The following VPS35 variants were observed in gnomAD, a reference collection of about 807,000 sequenced individuals.
VPS35 encodes VPS35 retromer complex component, also known as vacuolar protein sorting-associated protein 35.
Under a neutral mutation model 98.1 loss-of-function variants are expected in VPS35, and 21 were observed. The observed-to-expected ratio is 0.21, with a 90% CI of 0.15 to 0.31. The LOEUF (loss-of-function observed/expected upper bound fraction) is 0.31. Among genes scored for constraint, VPS35 ranks in the 10% least tolerant of loss-of-function variants. The pLI, the probability that VPS35 is intolerant of heterozygous loss-of-function variation, is 1.00. For synonymous variants in VPS35, 268 were observed against 318.2 expected, an observed-to-expected ratio of 0.84 and a Z score of 1.68; for missense variants, 554 against 950.8, an observed-to-expected ratio of 0.58 and a Z score of 5.49.
At chr16:46,681,782 C>T in intron 3 of VPS35, 1 of 538,728 alleles carries the variant, frequency 1.9e-6, no homozygotes, top group Non-Finnish European at 3.3e-6. Flanking sequence ...TTTGAGACTG[C>T]TGCATAACAA....
rs187543466 is a variant in VPS35 at position 46,665,679 on chromosome 16, G to T, written c.1648-2517C>A. ...AAGAAATGCTAGTAAATAAGTAAAGGCTAGTTACTTTTATTTATTTGCCCT... is the reference window on the plus strand; with the variant it reads ...AAGAAATGCTAGTAAATAAGTAAAGTCTAGTTACTTTTATTTATTTGCCCT... On this transcript the variant is annotated intron_variant, in intron 13 of 16. Coordinates refer to ENST00000299138, the MANE Select transcript of VPS35 (RefSeq NM_018206.6). 4.6e-5 allele frequency among the ~76,000 whole-genome samples: 7 copies of T among 151,826 alleles called. No individual in the cohort carries two copies. The East Asian group carries it at 1.2e-3, about 25-fold the overall frequency.
At chr16:46,678,228 G>A (rs971092397) in intron 6 of VPS35, among the ~76,000 whole-genome samples, 1 of 149,960 alleles carries the variant, frequency 6.7e-6, no homozygotes, top group Admixed American at 6.7e-5. Context: ...TGTAGACTAG[G>A]GTGTCCAATC....
Position 46,684,983 on chromosome 16 carries a change from G to A in VPS35, c.4-1377C>T, listed in dbSNP as rs975620267. 2.6e-5 allele frequency among the ~76,000 whole-genome samples: 4 copies of A among 152,252 alleles called. No homozygotes were observed. In the East Asian group the frequency reaches 7.7e-4, roughly 29 times the overall value. On this transcript the variant is annotated intron_variant, in intron 1 of 16. Coordinates refer to ENST00000299138, the MANE Select transcript of VPS35 (RefSeq NM_018206.6). ...CTCTAATATGAAATATTCTGTATAG[G>A]AACAGAAAGTAGACTGATGATTACC...
At position 46,682,168 on chromosome 16, in the gene VPS35, T is replaced by C. The variant is rs777006799; in HGVS notation, c.110A>G (p.Asn37Ser). The change falls in exon 3 of 17, where the codon AAC becomes AGC. Residue 37 changes from asparagine to serine, a missense_variant. Physicochemically the swap from Asn to Ser is conservative, Grantham distance 46. Around this residue, in one of 5 missense-constraint regions of VPS35, gnomAD observed 67 missense variants for 103.3 expected, o/e 0.65. Transcript: ENST00000299138. ...ATGTTTTAGAGCATCCATAAGCTTG[T>C]TTTTGTCCTACAGAAATACCAAGAG... is the stretch of plus-strand genomic sequence containing the variant. Reference protein sequence around the residue: ...SFQMKRCLDKNKLMDALKHAS... With the variant: ...SFQMKRCLDKSKLMDALKHAS... 6.5e-5 allele frequency: 105 copies of C among 1,612,090 alleles called. No homozygotes were observed. The highest frequency in any genetic ancestry group is 8.7e-5 in the Non-Finnish European group (102 of 1,178,444).
intron 1 of VPS35, among the ~76,000 whole-genome samples, chr16:46,684,345 T>C (rs2143009214): frequency 6.6e-6 from 1 of 152,298 alleles, no homozygotes. Context: ...ACTAAGGAAC[T>C]AGTTTACGAG....
At chr16:46,687,882 CTG>C (rs1966345691) in intron 1 of VPS35, among the ~76,000 whole-genome samples, 1 of 152,126 alleles carries the variant, frequency 6.6e-6, no homozygotes, top group South Asian at 2.1e-4. Flanking sequence ...GAGGACAAGA[CTG>C]TGTGTCTGGC....
At chr16:46,685,901 G>T (rs937753606) in intron 1 of VPS35, among the ~76,000 whole-genome samples, 2 of 151,928 alleles carry the variant, frequency 1.3e-5, no homozygotes, top group African/African-American at 4.8e-5. Context: ...ACTTCTTGTT[G>T]TGGTAAAATG....
rs992118803 is a variant in VPS35 at position 46,662,088 on chromosome 16, C to A, written c.2067+155G>T. The A allele has an allele frequency of 9.2e-6, 13 of 1,417,426 alleles. No individual in the cohort carries two copies. The East Asian group carries it at 1.9e-4, about 21-fold the overall frequency. The allele number at this position is 1,417,426 out of a possible 1,614,324, so 87.8% of individuals were successfully genotyped here. A position where few individuals can be genotyped will look rare whatever the true frequency, so the allele number is the denominator to read the frequency against. On this transcript the variant is annotated intron_variant, in intron 15 of 16. Transcript: ENST00000299138. Reference sequence around the variant, plus strand: ...CAATATCCTCAAAGCAGAGGCTTCACTACAGGATGAGACTCTCTTTTTTAA... The same window carrying A: ...CAATATCCTCAAAGCAGAGGCTTCAATACAGGATGAGACTCTCTTTTTTAA...
chr16:46,666,919 C>T (rs1965998598), intron 13 of VPS35, among the ~76,000 whole-genome samples: 3 of 152,178 alleles, frequency 2.0e-5, no homozygotes, highest in Admixed American at 2.0e-4. Context: ...AATAATGCTG[C>T]AATAAACATG....
chr16:46,680,506 C>T (rs1035711508), intron 5 of VPS35, among the ~76,000 whole-genome samples, 165 bp downstream of exon 5: 1 of 152,186 alleles, frequency 6.6e-6, no homozygotes, highest in African/African-American at 2.4e-5. Flanking sequence ...ACCACATATA[C>T]TGAGGAGTTC....
rs1165949367 is a variant in VPS35, at chr16:46,672,615, T to C, written c.1161-143A>G. 17 of 678,238 alleles carry C rather than the reference T, an allele frequency of 2.5e-5. No homozygotes were observed. The South Asian group carries it at 3.1e-4, about 12-fold the overall frequency. 42.0% of individuals were successfully genotyped at this position (678,238 alleles called of 1,614,324 possible). A position where few individuals can be genotyped will look rare whatever the true frequency, so the allele number is the denominator to read the frequency against. On this transcript the variant is annotated intron_variant, in intron 10 of 16. Coordinates refer to ENST00000299138, the MANE Select transcript of VPS35 (RefSeq NM_018206.6). ...TGAATCATACCACCACAGAAGACTA[T>C]AACAACCTCCTTTCAGGAGGATAAA...
intron 12 of VPS35, among the ~76,000 whole-genome samples, chr16:46,669,828 T>C (rs1365009083): frequency 1.3e-5 from 2 of 152,172 alleles, no homozygotes; most frequent in African/African-American, 4.8e-5. Context: ...CCTAGGGTTG[T>C]TGGGAAGATC....
chr16:46,662,214 T>C, intron 15 of VPS35, 29 bp downstream of exon 15: 3 of 1,614,062 alleles, frequency 1.9e-6, no homozygotes, highest in Non-Finnish European at 2.5e-6. Flanking sequence ...GGATCCTGTC[T>C]GCTATCATGC....
intron 13 of VPS35, among the ~76,000 whole-genome samples, chr16:46,666,613 T>C (rs1277067061): frequency 6.6e-6 from 1 of 152,216 alleles, no homozygotes; most frequent in Non-Finnish European, 1.5e-5. Flanking sequence ...TTACCCAGGC[T>C]GGATGAATTC....
At chr16:46,660,677 T>C (rs748463651) in intron 16 of VPS35, 26 bp from the exon 17 acceptor site, 8 of 1,606,186 alleles carry the variant, frequency 5.0e-6, no homozygotes, top group African/African-American at 1.3e-5. Context: ...TACAAATTCA[T>C]GATCAAGCAC....
At chr16:46,688,709 A>C (rs1966364694) in intron 1 of VPS35, 1 of 1,139,750 alleles carries the variant, frequency 8.8e-7, no homozygotes, top group African/African-American at 1.6e-5. Context: ...AAAGGTAGAA[A>C]CGCAACATCT....
chr16:46,662,955 T>A, intron 14 of VPS35, 28 bp downstream of exon 14: 1 of 1,614,076 alleles, frequency 6.2e-7, no homozygotes, highest in African/African-American at 1.3e-5. Flanking sequence ...AGAGCTGACA[T>A]GACAACGCAG....
At chr16:46,676,466 T>A (rs1412078692) in intron 8 of VPS35, 117 bp downstream of exon 8, 1 of 737,446 alleles carries the variant, frequency 1.4e-6, no homozygotes, top group African/African-American at 1.8e-5. Context: ...TATAGTATAA[T>A]TAAATTAAGA....
intron 7 of VPS35, 71 bp from the exon 8 acceptor site, chr16:46,676,763 C>A: frequency 1.8e-6 from 2 of 1,130,808 alleles, no homozygotes; most frequent in South Asian, 2.5e-5. Flanking sequence ...TGGTAAAGTT[C>A]ACATTTGTGG....
Sources: gnomAD v4.1 joint callset for allele counts (sites outside exome capture counted in the v4.1 genomes callset) on GRCh38, gnomAD v4.1.1 for gene constraint, gnomAD v4.1.1 regional missense constraint, MANE v1.5 for transcripts, NCBI Gene and HGNC (gene_info 2026-07-23, HGNC 2026-07-21) for gene names.